PFKP: variants seen among roughly 807,000 people sequenced by gnomAD.
PFKP encodes ATP-dependent 6-phosphofructokinase, platelet type.
PFKP carries 101 observed loss-of-function variants against 94.3 expected under a neutral mutation model. That is an observed-to-expected ratio of 1.07 (90% CI 0.91 to 1.26). The LOEUF (loss-of-function observed/expected upper bound fraction) is 1.26. PFKP is among the 50% of genes most tolerant of loss of function. The probability of loss-of-function intolerance (pLI) is 0.00; values close to 1 mark genes in which losing one functional copy is unlikely to be tolerated. For missense variants in PFKP, 1,145 were observed against 1,103.3 expected (o/e 1.04, Z -0.53); for synonymous variants, 573 against 432.6 (o/e 1.32, Z -4.03).
At chr10:3,099,995 C>T (rs1394489137) in intron 3 of PFKP, among the ~76,000 whole-genome samples, 1 of 148,928 alleles carries the variant, frequency 6.7e-6, no homozygotes, top group Non-Finnish European at 1.5e-5. Context: ...TTCTGGCTAG[C>T]GAATGTGTAT....
intron 1 of PFKP, among the ~76,000 whole-genome samples, chr10:3,078,647 A>G (rs1832788133): frequency 6.6e-6 from 1 of 152,378 alleles, no homozygotes; most frequent in South Asian, 2.1e-4. Flanking sequence ...GGTTTACACT[A>G]CAGCTTCACC....
In PFKP at chr10:3,093,122, C is replaced by T. The variant is rs932343447; in HGVS notation, c.187-6153C>T. 4.6e-5 allele frequency among the ~76,000 whole-genome samples: 7 copies of T among 152,108 alleles called. No individual in the cohort carries two copies. The East Asian group carries it at 1.4e-3, about 29-fold the overall frequency. ...TCCTGGGATGTGTGGAAGGGGCTGG[C>T]CGTGGAAACTAGTTGGCAAGACAAA... On this transcript the variant is annotated intron_variant, in intron 2 of 21. Transcript: ENST00000381125.
intron 16 of PFKP, among the ~76,000 whole-genome samples, chr10:3,128,781 C>T (rs1309838180): frequency 1.3e-5 from 2 of 152,202 alleles, no homozygotes; most frequent in Non-Finnish European, 2.9e-5. Flanking sequence ...AGGGAGCATT[C>T]CCAGGTTCCA....
chr10:3,125,213 C>T (rs1259212008), intron 16 of PFKP: 4 of 1,346,354 alleles, frequency 3.0e-6, no homozygotes, highest in Non-Finnish European at 3.0e-6. Flanking sequence ...CAGAAATAAG[C>T]CTGGGCTCCG....
chr10:3,080,281 G>A (rs1054430396), intron 1 of PFKP, among the ~76,000 whole-genome samples: 4 of 152,156 alleles, frequency 2.6e-5, no homozygotes, highest in East Asian at 3.9e-4. Flanking sequence ...ACTTTGGGAG[G>A]CTGAGGCGGA....
intron 16 of PFKP, among the ~76,000 whole-genome samples, chr10:3,128,783 C>T (rs1838234787): frequency 1.3e-5 from 2 of 152,226 alleles, no homozygotes; most frequent in Non-Finnish European, 2.9e-5. Flanking sequence ...GGAGCATTCC[C>T]AGGTTCCAGG....
Position 3,136,764 on chromosome 10 carries a change from T to G in PFKP, c.*185T>G. ...TGTGTCTCATGCTTTCAGATGTGCA[T>G]ATGAGCAGAATTAATTAAACATTTG... is the stretch of plus-strand genomic sequence containing the variant. On this transcript the variant is annotated 3_prime_UTR_variant, in exon 22 of 22. Coordinates refer to ENST00000381125, the MANE Select transcript of PFKP (RefSeq NM_002627.5). The G allele has an allele frequency of 1.8e-6, 1 of 541,622 alleles. No homozygotes were observed. The highest frequency in any genetic ancestry group is 3.2e-6 in the Non-Finnish European group (1 of 310,976). The allele number at this position is 541,622 out of a possible 1,614,324, so 33.6% of individuals were successfully genotyped here.
intron 1 of PFKP, chr10:3,068,815 C>T: frequency 3.8e-6 from 2 of 521,958 alleles, no homozygotes; most frequent in African/African-American, 2.1e-5. Context: ...CGCGGCGCGC[C>T]CCGAGCTGGG....
chr10:3,100,703 TA>T (rs1834905732), intron 3 of PFKP, among the ~76,000 whole-genome samples: 1 of 152,144 alleles, frequency 6.6e-6, no homozygotes, highest in African/African-American at 2.4e-5. Flanking sequence ...TTCATGGTTT[TA>T]TTTAAAGAAA....
At chr10:3,125,098 C>T in intron 16 of PFKP, 2 of 1,295,694 alleles carry the variant, frequency 1.5e-6, no homozygotes, top group South Asian at 2.6e-5. Context: ...CTGCTTCAGG[C>T]TTACAAGAGT....
chr10:3,125,008 C>T (rs1837793386), intron 16 of PFKP: 2 of 1,052,584 alleles, frequency 1.9e-6, no homozygotes, highest in Non-Finnish European at 1.2e-6. Context: ...TCAGTCCCCT[C>T]CCGTCCCTTC....
intron 9 of PFKP, among the ~76,000 whole-genome samples, chr10:3,109,104 G>A (rs1181972440): frequency 6.6e-6 from 1 of 152,130 alleles, no homozygotes; most frequent in Non-Finnish European, 1.5e-5. Flanking sequence ...ACTGACTCAG[G>A]GCAGCAGGAA....
chr10:3,099,410 T>C lies in PFKP; in HGVS notation c.264+58T>C, dbSNP rs1834771063. On this transcript the variant is annotated intron_variant, in intron 3 of 21. Coordinates refer to ENST00000381125, the MANE Select transcript of PFKP (RefSeq NM_002627.5). Reference sequence around the variant, plus strand: ...GAGTTAGAGACTCTTTTATGTCTAGTAAATTCCCAGAACACTTGAGCTCAG... The same window carrying C: ...GAGTTAGAGACTCTTTTATGTCTAGCAAATTCCCAGAACACTTGAGCTCAG... The C allele has an allele frequency of 1.1e-5, 15 of 1,343,348 alleles. 1 individual carries two copies. The South Asian group carries it at 1.8e-4, about 16-fold the overall frequency. 83.2% of individuals were successfully genotyped at this position (1,343,348 alleles called of 1,614,324 possible).
intron 2 of PFKP, among the ~76,000 whole-genome samples, chr10:3,093,911 G>A (rs1411888084): frequency 1.3e-5 from 2 of 152,150 alleles, no homozygotes; most frequent in Admixed American, 6.5e-5. Context: ...CCAAAGTGCT[G>A]GGATTACAGG....
chr10:3,136,165 G>A (rs1232411932), intron 21 of PFKP, among the ~76,000 whole-genome samples: 4 of 152,178 alleles, frequency 2.6e-5, no homozygotes, highest in Admixed American at 1.3e-4. Flanking sequence ...TCAGGAGGCT[G>A]AGGCAGGAGA....
At chr10:3,077,434 T>A (rs1413498348) in intron 1 of PFKP, among the ~76,000 whole-genome samples, 1 of 151,552 alleles carries the variant, frequency 6.6e-6, no homozygotes, top group African/African-American at 2.4e-5. Flanking sequence ...GCTAATTTTT[T>A]TTTTTGTATT....
chr10:3,109,344 C>A lies in PFKP; in HGVS notation c.964-11C>A, dbSNP rs117757778. The A allele has an allele frequency of 6.2e-7, 1 of 1,608,418 alleles. No individual in the cohort carries two copies. Among genetic ancestry groups the A allele is most frequent in the Non-Finnish European group, 8.5e-7 (1 of 1,179,968 alleles). ...GAGGCTGCCCCTGACCCACATGGAC[C>A]TGGTTTCCAGGCCAGCCGCATGGGA... is the stretch of plus-strand genomic sequence containing the variant. On this transcript the variant is annotated splice_polypyrimidine_tract_variant and intron_variant, in intron 9 of 21. Transcript: ENST00000381125.
intron 13 of PFKP, among the ~76,000 whole-genome samples, chr10:3,116,539 G>A (rs1037647402): frequency 7.2e-5 from 11 of 152,304 alleles, no homozygotes; most frequent in Admixed American, 5.9e-4. Flanking sequence ...ATGAGACACA[G>A]AGGCCCCGAC....
chr10:3,069,004 G>T (rs1233982003), intron 1 of PFKP, among the ~76,000 whole-genome samples: 1 of 151,080 alleles, frequency 6.6e-6, no homozygotes, highest in Middle Eastern at 3.2e-3. Flanking sequence ...CGCGGGTGCC[G>T]CAGGTTGAGG....
Sources: gnomAD v4.1 joint callset for allele counts (sites outside exome capture counted in the v4.1 genomes callset) on GRCh38, gnomAD v4.1.1 for gene constraint, MANE v1.5 for transcripts, NCBI Gene and HGNC (gene_info 2026-07-23, HGNC 2026-07-21) for gene names.